The following PPM1E variants were observed in gnomAD, a reference collection of about 807,000 sequenced individuals.
PPM1E encodes the protein protein phosphatase 1E.
Under a neutral mutation model 65.9 loss-of-function variants are expected in PPM1E, and 20 were observed. The ratio of observed to expected loss-of-function variants is 0.30; its 90% CI spans 0.21 to 0.44. PPM1E has a LOEUF of 0.44. Among genes scored for constraint, PPM1E ranks in the 20% least tolerant of loss-of-function variants. The pLI is 1.00. For synonymous variants in PPM1E, 352 were observed against 374.9 expected, an observed-to-expected ratio of 0.94 and a Z score of 0.70; for missense variants, 713 against 953.1, an observed-to-expected ratio of 0.75 and a Z score of 3.32.
At chr17:58,942,354 C>T (rs1048183039) in intron 1 of PPM1E, among the ~76,000 whole-genome samples, 4 of 151,876 alleles carry the variant, frequency 2.6e-5, no homozygotes, top group Admixed American at 1.3e-4. Flanking sequence ...TCACTACACT[C>T]CAGTCTGGGC....
chr17:58,840,330 C>A (rs2050706036), intron 1 of PPM1E, among the ~76,000 whole-genome samples: 1 of 152,190 alleles, frequency 6.6e-6, no homozygotes, highest in African/African-American at 2.4e-5. Flanking sequence ...TCAAAACCTC[C>A]ACCATTAATT....
intron 1 of PPM1E, among the ~76,000 whole-genome samples, chr17:58,766,218 T>TTTC (rs2049875956): frequency 8.7e-6 from 1 of 114,956 alleles, no homozygotes; most frequent in Non-Finnish European, 1.7e-5. Context: ...TTTTTTTTTT[T>TTTC]TGAGATGGAG....
At chr17:58,759,011 A>G (rs1424289156) in intron 1 of PPM1E, among the ~76,000 whole-genome samples, 4 of 152,138 alleles carry the variant, frequency 2.6e-5, no homozygotes, top group African/African-American at 2.4e-5. Flanking sequence ...CGGAGGTTGC[A>G]GTGAGCCAAG....
At chr17:58,802,155 T>C (rs2050264821) in intron 1 of PPM1E, among the ~76,000 whole-genome samples, 1 of 152,248 alleles carries the variant, frequency 6.6e-6, no homozygotes, top group African/African-American at 2.4e-5. Flanking sequence ...CTAGGAGTTT[T>C]ATAGTTTCAG....
At chr17:58,948,368 A>G (rs1356019156) in intron 1 of PPM1E, among the ~76,000 whole-genome samples, 3 of 152,140 alleles carry the variant, frequency 2.0e-5, no homozygotes, top group Admixed American at 6.6e-5. Context: ...CCCAAAGTCT[A>G]ATCCCATTAT....
chr17:58,944,494 C>A (rs747503211), intron 1 of PPM1E, among the ~76,000 whole-genome samples: 1 of 152,132 alleles, frequency 6.6e-6, no homozygotes, highest in Non-Finnish European at 1.5e-5. Flanking sequence ...CTCATTCCCA[C>A]CACCCCTCCA....
chr17:58,964,576 T>C (rs1478193806), intron 2 of PPM1E, among the ~76,000 whole-genome samples: 1 of 152,154 alleles, frequency 6.6e-6, no homozygotes, highest in African/African-American at 2.4e-5. Flanking sequence ...TCAAGAGACC[T>C]GTTAGTATTG....
chr17:58,982,656 G>A lies in PPM1E; in HGVS notation c.*1625G>A, dbSNP rs2031426800. 1 of 478,940 alleles carries A rather than the reference G, an allele frequency of 2.1e-6. No individual in the cohort carries two copies. The allele number at this position is 478,940 out of a possible 1,614,324, so 29.7% of individuals were successfully genotyped here. A position where few individuals can be genotyped will look rare whatever the true frequency, so the allele number is the denominator to read the frequency against. Reference sequence around the variant, plus strand: ...GCTTCACTTTAGCAATGATCAGATTGTTAATCTACAGATTTTATTTTTTAA... The same window carrying A: ...GCTTCACTTTAGCAATGATCAGATTATTAATCTACAGATTTTATTTTTTAA... On this transcript the variant is annotated 3_prime_UTR_variant, in exon 7 of 7. Coordinates refer to ENST00000308249, the MANE Select transcript of PPM1E (RefSeq NM_014906.5).
intron 2 of PPM1E, 93 bp downstream of exon 2, chr17:58,955,860 T>G: frequency 7.4e-7 from 1 of 1,347,214 alleles, no homozygotes; most frequent in South Asian, 1.7e-5. Context: ...TAAATCTAAT[T>G]ACATTTACCT....
chr17:58,796,990 C>A (rs1260307617), intron 1 of PPM1E, among the ~76,000 whole-genome samples: 1 of 152,092 alleles, frequency 6.6e-6, no homozygotes, highest in Non-Finnish European at 1.5e-5. Context: ...CCTATAATCC[C>A]AGCTGTACTT....
At position 58,816,775 on chromosome 17, in the gene PPM1E, TATATATATATATATATA is replaced by T. The variant is rs1567842198; in HGVS notation, c.464+60315_464+60331del. Among the ~76,000 whole-genome samples, 152 of 17,670 alleles carry T rather than the reference TATATATATATATATATA, an allele frequency of 8.6e-3. 3 individuals carry two copies. Among genetic ancestry groups the T allele is most frequent in the South Asian group, 0.028 (23 of 834 alleles). 11.6% of individuals were successfully genotyped at this position (17,670 alleles called of 152,430 possible). On this transcript the variant is annotated intron_variant, in intron 1 of 6. Transcript: ENST00000308249. ...ATATATATATATATATATATATATA[TATATATATATATATATA>T]TATTTTTTTTTTTTTTTTTTTGAGA... is the stretch of plus-strand genomic sequence containing the variant.
chr17:58,781,139 CTTTTTTT>C (rs35359689), intron 1 of PPM1E, among the ~76,000 whole-genome samples: 1 of 123,128 alleles, frequency 8.1e-6, no homozygotes, highest in African/African-American at 3.0e-5. Context: ...GTGCAGATGT[CTTTTTTT>C]TTTTTTTTTT....
chr17:58,830,289 G>GTTATTATTA (rs1266465673), intron 1 of PPM1E, among the ~76,000 whole-genome samples: 5 of 121,134 alleles, frequency 4.1e-5, no homozygotes, highest in Middle Eastern at 4.1e-3. Flanking sequence ...TGTTGTTGTT[G>GTTATTATTA]TTGTTATTAT....
intron 1 of PPM1E, chr17:58,951,418 C>T (rs2052236465): frequency 6.6e-6 from 1 of 152,208 alleles, no homozygotes; most frequent in African/African-American, 2.4e-5. Flanking sequence ...GTGGCTCACA[C>T]CTATAATTTC....
chr17:58,889,751 G>A (rs2143425374), intron 1 of PPM1E, among the ~76,000 whole-genome samples: 1 of 152,258 alleles, frequency 6.6e-6, no homozygotes, highest in Admixed American at 6.5e-5. Context: ...TTATGTGGTT[G>A]CAAGTACATA....
In PPM1E at chr17:58,896,478, G is replaced by A. The variant is rs772507436; in HGVS notation, c.465-59171G>A. ...TGCATGCCTGTAGTCCCAGCTACTC[G>A]GGAGGCTGAGGCAGGAGAATTGCTT... On this transcript the variant is annotated intron_variant, in intron 1 of 6. Coordinates refer to ENST00000308249, the MANE Select transcript of PPM1E (RefSeq NM_014906.5). 2.0e-5 allele frequency among the ~76,000 whole-genome samples: 3 copies of A among 152,076 alleles called. 1 individual carries two copies. Among genetic ancestry groups the A allele is most frequent in the South Asian group, 4.1e-4 (2 of 4,826 alleles).
chr17:58,778,703 A>T (rs1346602350), intron 1 of PPM1E, among the ~76,000 whole-genome samples: 1 of 151,532 alleles, frequency 6.6e-6, no homozygotes, highest in Non-Finnish European at 1.5e-5. Flanking sequence ...TCTCAGGCTG[A>T]GATTACAGGC....
At chr17:58,845,258 C>T (rs1598606691) in intron 1 of PPM1E, among the ~76,000 whole-genome samples, 1 of 149,536 alleles carries the variant, frequency 6.7e-6, no homozygotes, top group East Asian at 1.9e-4. Context: ...TTTACTTTTA[C>T]AGATTCATTC....
At chr17:58,867,629 A>G (rs2051020463) in intron 1 of PPM1E, among the ~76,000 whole-genome samples, 1 of 152,200 alleles carries the variant, frequency 6.6e-6, no homozygotes, top group South Asian at 2.1e-4. Context: ...ACAGCTAATT[A>G]GGCACTACTT....
Sources: gnomAD v4.1 joint callset for allele counts (sites outside exome capture counted in the v4.1 genomes callset) on GRCh38, gnomAD v4.1.1 for gene constraint, MANE v1.5 for transcripts, NCBI Gene and HGNC (gene_info 2026-07-23, HGNC 2026-07-21) for gene names.